Variants in TLE2 observed in about 807,000 individuals in gnomAD.
TLE2 encodes TLE family member 2, transcriptional corepressor.
TLE2 carries 74 observed loss-of-function variants against 97.2 expected under a neutral mutation model. That is an observed-to-expected ratio of 0.76 (90% CI 0.63 to 0.92). The LOEUF (loss-of-function observed/expected upper bound fraction) is 0.92, where lower values mean the gene tolerates loss of function less well. TLE2 is among the 40% of genes least tolerant of loss of function. The pLI is 0.00. For missense variants in TLE2, 1,038 were observed against 1,008.7 expected (o/e 1.03, Z -0.39); for synonymous variants, 499 against 432.1 (o/e 1.15, Z -1.92).
In TLE2 at chr19:3,005,760, T is replaced by C. The variant is rs537367632; in HGVS notation, c.1709A>G (p.Asn570Ser). 8 of 1,613,904 alleles carry C rather than the reference T, an allele frequency of 5.0e-6. No homozygotes were observed. In the East Asian group the frequency reaches 1.6e-4, roughly 31 times the overall value. ...ATTCTGCAGGTCCCAGACCACAATG[T>C]TGCCATCGCTGCAGCAGGAGAAGCA... is the stretch of plus-strand genomic sequence containing the variant. ...KVCFSCCSDG[N>S]IVVWDLQNQT... The change falls in exon 16 of 20, where the codon AAC (asparagine) becomes AGC (serine). Residue 570 changes from asparagine (N) to serine (S), a missense_variant. Transcript: ENST00000262953.
In TLE2 at chr19:3,011,059, C is replaced by T. The variant is rs368585263; in HGVS notation, c.975G>A (p.Gln325=). ...TGGAAGGTGCTGGCTTGGCAGCAAG[C>T]TGGCAGAGGTGACTGGCCGAGCTGG... ...PGPSSASHLC[Q]LAAKPAPSTD... The change falls in exon 12 of 20, where the codon CAG becomes CAA. Residue 325 remains glutamine, a synonymous_variant. Coordinates refer to ENST00000262953, the MANE Select transcript of TLE2 (RefSeq NM_003260.5). The T allele has an allele frequency of 1.9e-6, 3 of 1,606,866 alleles. No homozygotes were observed. The highest frequency in any genetic ancestry group is 2.5e-6 in the Non-Finnish European group (3 of 1,177,788).
intron 5 of TLE2, among the ~76,000 whole-genome samples, chr19:3,021,261 C>T (rs2089837815): frequency 6.6e-6 from 1 of 151,414 alleles, no homozygotes. Flanking sequence ...AAAAATTAGT[C>T]AGGCATGGTG....
chr19:3,009,172 G>A (rs1330463137), intron 13 of TLE2, among the ~76,000 whole-genome samples: 1 of 152,160 alleles, frequency 6.6e-6, no homozygotes, highest in African/African-American at 2.4e-5. Flanking sequence ...ACGGTTCCAA[G>A]GATCCTGAAG....
rs1346896988 is a variant in TLE2, at chr19:3,029,206, C to T, written c.-302G>A. On this transcript the variant is annotated 5_prime_UTR_variant, in exon 1 of 20. Coordinates refer to ENST00000262953, the MANE Select transcript of TLE2 (RefSeq NM_003260.5). ...AGCCGGCGCAGAAGGTCGGGCGCGCCGCGGCCGGGTTTCGGTGGCGGCGGC... is the reference window on the plus strand; with the variant it reads ...AGCCGGCGCAGAAGGTCGGGCGCGCTGCGGCCGGGTTTCGGTGGCGGCGGC... 2.0e-6 allele frequency: 1 copy of T among 504,164 alleles called. No individual in the cohort carries two copies. The highest frequency in any genetic ancestry group is 2.5e-6 in the Non-Finnish European group (1 of 394,028). 31.2% of individuals were successfully genotyped at this position (504,164 alleles called of 1,614,324 possible).
intron 1 of TLE2, among the ~76,000 whole-genome samples, chr19:3,040,991 TTATATATA>T (rs1168113732): frequency 7.7e-4 from 23 of 29,746 alleles, no homozygotes; most frequent in African/African-American, 3.1e-3. Context: ...CTGCTGCCAT[TTATATATA>T]TATATATATA....
intron 1 of TLE2, among the ~76,000 whole-genome samples, chr19:3,044,515 G>T (rs1487560002): frequency 6.6e-6 from 1 of 152,200 alleles, no homozygotes; most frequent in Admixed American, 6.5e-5. Flanking sequence ...CACCTCCCGG[G>T]TTCAAGTGAT....
intron 5 of TLE2, among the ~76,000 whole-genome samples, chr19:3,022,388 G>GC (rs1437230522): frequency 1.3e-5 from 2 of 151,786 alleles, no homozygotes; most frequent in Non-Finnish European, 2.9e-5. Flanking sequence ...AAACTAGCCG[G>GC]CATGATGGTG....
chr19:3,046,204 A>G (rs1343056909), upstream of TLE2, among the ~76,000 whole-genome samples: 1 of 152,192 alleles, frequency 6.6e-6, no homozygotes, highest in African/African-American at 2.4e-5. Flanking sequence ...CATCTGCACC[A>G]TGGGAAGAGA....
At chr19:3,032,365 A>G (rs1323225807), upstream of TLE2, among the ~76,000 whole-genome samples, 1 of 151,688 alleles carries the variant, frequency 6.6e-6, no homozygotes, top group Non-Finnish European at 1.5e-5. This position sits in a 1 kb window ranked among gnomAD's most constrained non-coding sequence, Gnocchi z 4.1. Flanking sequence ...AGCCTCCCGA[A>G]TAGCTGGGAT....
chr19:3,047,203 G>A (rs1279578064), upstream of TLE2, among the ~76,000 whole-genome samples: 4 of 107,138 alleles, frequency 3.7e-5, no homozygotes, highest in African/African-American at 1.5e-4. Context: ...CATTAGGCGC[G>A]GCCGCGGCGC....
At position 3,019,437 on chromosome 19, in the gene TLE2, G is replaced by C; in HGVS notation, c.396C>G (p.His132Gln). The change falls in exon 7 of 20, where the codon CAC (histidine) becomes CAG (glutamine). Residue 132 changes from histidine to glutamine, a missense_variant. Coordinates refer to ENST00000262953, the MANE Select transcript of TLE2 (RefSeq NM_003260.5). This position sits in a 1 kb window ranked among gnomAD's most constrained non-coding sequence, Gnocchi z 5.1. Reference sequence around the variant, plus strand: ...GGGGGGTGAGGGGCACAGGGGGTGCGTGGTGGGACAGCGGCTGGAGCTGCT... The same window carrying C: ...GGGGGGTGAGGGGCACAGGGGGTGCCTGGTGGGACAGCGGCTGGAGCTGCT... ...IGQQLQPLSH[H>Q]APPVPLTPRP... is the part of the protein sequence containing the mutation. The C allele has an allele frequency of 1.3e-6, 2 of 1,530,902 alleles. No homozygotes were observed. Among genetic ancestry groups the C allele is most frequent in the Non-Finnish European group, 1.7e-6 (2 of 1,143,866 alleles). The allele number at this position is 1,530,902 out of a possible 1,614,324, so 94.8% of individuals were successfully genotyped here. A position where few individuals can be genotyped will look rare whatever the true frequency, so the allele number is the denominator to read the frequency against.
At chr19:3,033,643 G>A (rs959854313), upstream of TLE2, among the ~76,000 whole-genome samples, 2 of 152,124 alleles carry the variant, frequency 1.3e-5, no homozygotes, top group Non-Finnish European at 2.9e-5. Context: ...GAAACCCAAT[G>A]GCTCCTTCTT....
At chr19:3,014,451 C>A in intron 10 of TLE2, 119 bp downstream of exon 10, 1 of 984,304 alleles carries the variant, frequency 1.0e-6, no homozygotes, top group Non-Finnish European at 1.4e-6. Context: ...GACCCCATCC[C>A]AGCTGTCCCA....
intron 7 of TLE2, 110 bp from the exon 8 acceptor site, chr19:3,017,969 C>G (rs2089750530): frequency 1.0e-6 from 1 of 952,864 alleles, no homozygotes; most frequent in Non-Finnish European, 1.6e-6. Context: ...CCGCCCCCAC[C>G]ACCCCACTCA....
Position 3,013,724 on chromosome 19 carries a change from G to A in TLE2, c.818C>T (p.Ala273Val), listed in dbSNP as rs760379564. The change falls in exon 11 of 20, where the codon GCC (alanine) becomes GTC (valine). Residue 273 changes from alanine (A) to valine (V), a missense_variant. Physicochemically the swap from Ala to Val is moderately conservative, Grantham distance 64. Transcript: ENST00000262953. ...TGAGCCAAGGCTAGAGGCCAAGGAG[G>A]CTGGACTGTCCACCAGGTCCCGACG... Reference protein sequence around the residue: ...PARRDLVDSPASLASSLGSPL... With the variant: ...PARRDLVDSPVSLASSLGSPL... 1 of 1,556,440 alleles carries A rather than the reference G, an allele frequency of 6.4e-7. No individual in the cohort carries two copies. The highest frequency in any genetic ancestry group is 8.7e-7 in the Non-Finnish European group (1 of 1,153,606).
rs777699077 is a variant in TLE2, at chr19:3,011,047, C to T, written c.987G>A (p.Lys329=). 3.7e-6 allele frequency: 6 copies of T among 1,606,914 alleles called. No homozygotes were observed. The highest frequency in any genetic ancestry group is 5.1e-6 in the Non-Finnish European group (6 of 1,177,830). Residue 329 remains lysine (K), a synonymous_variant, in exon 12 of 20, where the codon AAG becomes AAA. Transcript: ENST00000262953. The part of the protein sequence containing the change: ...SASHLCQLAA[K]PAPSTDSVAL... ...CGACGCTGTCCGTGGAAGGTGCTGG[C>T]TTGGCAGCAAGCTGGCAGAGGTGAC... is the stretch of plus-strand genomic sequence containing the variant.
At chr19:3,042,838 AT>A (rs34848381) in intron 1 of TLE2, among the ~76,000 whole-genome samples, 3 of 151,950 alleles carry the variant, frequency 2.0e-5, no homozygotes, top group South Asian at 2.1e-4. Flanking sequence ...ATGAAAGGAA[AT>A]TTTTTTTAAC....
In TLE2 at chr19:3,023,909, A is replaced by C. The variant is rs201044729; in HGVS notation, c.294+1111T>G. ...TCCATCACACACACACACACACACA[A>C]AAGAAAAGAAAAAGAAAAAAGAAAC... On this transcript the variant is annotated intron_variant, in intron 5 of 19. Transcript: ENST00000262953. Among the ~76,000 whole-genome samples, 95 of 98,628 alleles carry C rather than the reference A, an allele frequency of 9.6e-4. 1 individual carries two copies. Among genetic ancestry groups the C allele is most frequent in the African/African-American group, 4.2e-3 (78 of 18,482 alleles). 64.7% of individuals were successfully genotyped at this position (98,628 alleles called of 152,430 possible).
At chr19:3,000,594 G>C in intron 19 of TLE2, 53 bp downstream of exon 19, 1 of 1,506,818 alleles carries the variant, frequency 6.6e-7, no homozygotes, top group Non-Finnish European at 9.0e-7. Context: ...TCTGACCCTG[G>C]CATACCCGGG....
Sources: allele counts gnomAD v4.1 joint callset (sites outside exome capture counted in the v4.1 genomes callset), GRCh38; gene constraint gnomAD v4.1.1; non-coding constraint Gnocchi (gnomAD v3.1); transcripts MANE v1.5; gene names NCBI Gene and HGNC (gene_info 2026-07-23, HGNC 2026-07-21).